RP1: variants seen among roughly 807,000 people sequenced by gnomAD.
The protein encoded by RP1 is RP1 axonemal microtubule associated, also known as oxygen-regulated protein 1.
A neutral mutation model predicts 14.8 loss-of-function variants in RP1; 16 were observed. The observed-to-expected ratio is 1.08, with a 90% CI of 0.73 to 1.65. The LOEUF is 1.65. Among genes scored for constraint, RP1 ranks in the 40% most tolerant of loss-of-function variants. RP1 has a pLI of 0.00. For synonymous variants in RP1, 876 were observed against 883.6 expected (o/e 0.99, Z 0.15); for missense variants, 2,631 against 2,535.0 (o/e 1.04, Z -0.81).
rs550164977 is a variant in RP1, at chr8:54,751,271, C to T, written c.2809-3532C>T. Among the ~76,000 whole-genome samples the T allele has an allele frequency of 1.8e-3, 277 of 152,176 alleles. 1 individual carries two copies. The highest frequency in any genetic ancestry group is 2.1e-3 in the Admixed American group (32 of 15,288). ...TCATTTTATTACATAAGGCACTTAT[C>T]AACTTGGTGAGATATGATGGCAGTT... On this transcript the variant is annotated intron_variant, in intron 19 of 22. Transcript: ENST00000636932.
chr8:54,701,728 A>G, intron 14 of RP1: 1 of 1,411,784 alleles, frequency 7.1e-7, no homozygotes, highest in South Asian at 1.3e-5. Flanking sequence ...CCTATTGAGC[A>G]AAAGTCTTAA....
intron 25 of RP1, among the ~76,000 whole-genome samples, chr8:54,849,392 C>T (rs146422078): frequency 6.4e-4 from 98 of 152,216 alleles, no homozygotes; most frequent in African/African-American, 2.1e-3. Context: ...GCACATCCCT[C>T]TCCTAAACTT....
intron 22 of RP1, among the ~76,000 whole-genome samples, chr8:54,766,875 C>T (rs1809773184): frequency 6.6e-6 from 1 of 152,182 alleles, no homozygotes; most frequent in Admixed American, 6.5e-5. Context: ...GGATTGTGTT[C>T]TTGGTCAAGC....
chr8:54,840,997 A>C (rs991133375), intron 25 of RP1, among the ~76,000 whole-genome samples: 2 of 152,234 alleles, frequency 1.3e-5, no homozygotes, highest in Admixed American at 1.3e-4. Flanking sequence ...ACATTAAAAC[A>C]AGAAAATGAA....
chr8:54,573,202 CTTT>C (rs1804567853), intron 1 of RP1, among the ~76,000 whole-genome samples: 2 of 152,150 alleles, frequency 1.3e-5, no homozygotes. Context: ...TCATCACCTT[CTTT>C]TTTTCCAGTA....
intron 9 of RP1, among the ~76,000 whole-genome samples, chr8:54,678,932 C>T (rs1807360622): frequency 6.6e-6 from 1 of 151,890 alleles, no homozygotes. Flanking sequence ...TACTTACTAT[C>T]AACAGACCTT....
At chr8:54,645,842 G>GT (rs1031370749) in intron 3 of RP1, among the ~76,000 whole-genome samples, 18 of 151,790 alleles carry the variant, frequency 1.2e-4, no homozygotes, top group African/African-American at 3.1e-4. Flanking sequence ...TAAATTTATT[G>GT]TTTTTTTTAG....
At chr8:54,725,678 C>T (rs146434747) in intron 16 of RP1, among the ~76,000 whole-genome samples, 201 of 152,294 alleles carry the variant, frequency 1.3e-3, no homozygotes, top group African/African-American at 4.6e-3. Context: ...CTGATGAGAA[C>T]TCTAAAGCCA....
At chr8:54,666,279 G>T (rs891353522) in intron 7 of RP1, among the ~76,000 whole-genome samples, 2 of 152,082 alleles carry the variant, frequency 1.3e-5, no homozygotes, top group East Asian at 1.9e-4. Context: ...CTAAGAAAGT[G>T]CAAGTCCAAC....
chr8:54,577,204 T>C (rs374252170), intron 1 of RP1, among the ~76,000 whole-genome samples: 1 of 152,020 alleles, frequency 6.6e-6, no homozygotes, highest in African/African-American at 2.4e-5. Context: ...TTAGTAGAGA[T>C]GGTGTTTCAT....
chr8:54,862,709 C>G (rs188267989), intron 27 of RP1, among the ~76,000 whole-genome samples: 1 of 152,044 alleles, frequency 6.6e-6, no homozygotes, highest in African/African-American at 2.4e-5. Context: ...ACATGAAAGA[C>G]GGAAAGTCCC....
intron 12 of RP1, chr8:54,696,878 A>G: frequency 1.3e-6 from 1 of 776,938 alleles, no homozygotes; most frequent in Non-Finnish European, 2.3e-6. Flanking sequence ...AGCCAAGGTC[A>G]AGAATAAGAT....
chr8:54,846,282 TGGTCC>T (rs1811918054), intron 25 of RP1, among the ~76,000 whole-genome samples: 4 of 152,240 alleles, frequency 2.6e-5, no homozygotes, highest in Non-Finnish European at 2.9e-5. Flanking sequence ...TTTCTAGACA[TGGTCC>T]AGGTTACTGC....
intron 23 of RP1, among the ~76,000 whole-genome samples, chr8:54,776,809 AC>A (rs1263500692): frequency 6.6e-6 from 1 of 151,998 alleles, no homozygotes; most frequent in Non-Finnish European, 1.5e-5. Flanking sequence ...TGACTGTCAC[AC>A]TCTCCTCCCT....
At chr8:54,660,014 T>C (rs1175963732) in intron 6 of RP1, among the ~76,000 whole-genome samples, 1 of 152,178 alleles carries the variant, frequency 6.6e-6, no homozygotes, top group Non-Finnish European at 1.5e-5. Flanking sequence ...TTTTGTATTA[T>C]TCTTTGTTAG....
At chr8:54,724,132 A>C (rs1226545876) in intron 16 of RP1, among the ~76,000 whole-genome samples, 1 of 152,242 alleles carries the variant, frequency 6.6e-6, no homozygotes, top group Non-Finnish European at 1.5e-5. Flanking sequence ...TCATTCAAGC[A>C]TAAAAATCTA....
chr8:54,709,350 C>T (rs1346029492), intron 15 of RP1, among the ~76,000 whole-genome samples: 1 of 152,136 alleles, frequency 6.6e-6, no homozygotes, highest in Admixed American at 6.5e-5. Flanking sequence ...GTTGGAAGCC[C>T]CTTCTGTTTT....
chr8:54,798,193 T>C (rs937962812), intron 24 of RP1, among the ~76,000 whole-genome samples: 1 of 152,000 alleles, frequency 6.6e-6, no homozygotes, highest in Non-Finnish European at 1.5e-5. Flanking sequence ...TTTTTGTATT[T>C]TAGTAGAGAT....
At chr8:54,821,312 C>T (rs1483414305) in intron 24 of RP1, among the ~76,000 whole-genome samples, 1 of 152,092 alleles carries the variant, frequency 6.6e-6, no homozygotes, top group East Asian at 1.9e-4. Flanking sequence ...TGCACACATC[C>T]AGATACACTC....
Sources: gnomAD v4.1 joint callset for allele counts (sites outside exome capture counted in the v4.1 genomes callset) on GRCh38, gnomAD v4.1.1 for gene constraint, MANE v1.5 for transcripts, NCBI Gene and HGNC (gene_info 2026-07-23, HGNC 2026-07-21) for gene names.